C15orf40: variants seen among roughly 807,000 people sequenced by gnomAD.
C15orf40 encodes the protein UPF0235 protein C15orf40.
In C15orf40, 9 loss-of-function variants were observed where a neutral mutation model predicts 13.9. The ratio of observed to expected loss-of-function variants is 0.65; its 90% confidence interval spans 0.39 to 1.13. The LOEUF (loss-of-function observed/expected upper bound fraction) is 1.13, where lower values mean the gene tolerates loss of function less well. C15orf40 is among the 50% of genes most tolerant of loss of function. The pLI, the probability that C15orf40 is intolerant of heterozygous loss-of-function variation, is 0.01. For synonymous variants in C15orf40, 95 were observed against 69.2 expected (o/e 1.37, Z -1.85); for missense variants, 225 against 188.5 (o/e 1.19, Z -1.13).
In C15orf40 at chr15:82,997,294, A is replaced by C. The variant is rs1394589043; in HGVS notation, c.*8303T>G. ...AGAGGGGGATTTGGCAGGGAAGGTC[A>C]GCAGATAAACAAGTGAACAAAGGTC... On this transcript the variant is annotated 3_prime_UTR_variant, in exon 4 of 4. Transcript: ENST00000304177. 1.4e-5 allele frequency: 2 copies of C among 147,088 alleles called. No homozygotes were observed. The highest frequency in any genetic ancestry group is 3.0e-5 in the Non-Finnish European group (2 of 67,058). The allele number at this position is 147,088 out of a possible 1,614,324, so 9.1% of individuals were successfully genotyped here.
downstream of C15orf40, chr15:82,990,915 C>T (rs988781387): frequency 8.4e-6 from 3 of 357,472 alleles, no homozygotes; most frequent in Non-Finnish European, 1.5e-5. Flanking sequence ...CAGATGCATA[C>T]CTCTGCTGCT....
chr15:82,994,683 G>GA (rs2030981307), downstream of C15orf40: 8 of 152,120 alleles, frequency 5.3e-5, no homozygotes, highest in Admixed American at 3.9e-4. Context: ...ACTATTCACT[G>GA]AAATGCCTAT....
At chr15:83,006,606 G>A in intron 3 of C15orf40, 1 of 304,176 alleles carries the variant, frequency 3.3e-6, no homozygotes, top group South Asian at 1.3e-4. Flanking sequence ...CTAAAAATTA[G>A]CCAGACGTGT....
intron 1 of C15orf40, 37 bp from the exon 2 acceptor site, chr15:83,010,400 A>T (rs1316312727): frequency 6.2e-7 from 1 of 1,611,590 alleles, no homozygotes; most frequent in African/African-American, 1.3e-5. Context: ...AGGTTACAAA[A>T]TATTTTCCCA....
chr15:82,992,774 C>T (rs2030915152), downstream of C15orf40, among the ~76,000 whole-genome samples: 1 of 152,006 alleles, frequency 6.6e-6, no homozygotes, highest in Admixed American at 6.6e-5. Flanking sequence ...TGAGTATCAG[C>T]CGTGCTTGAA....
In C15orf40 at chr15:83,004,212, G is replaced by T. The variant is rs1483776652; in HGVS notation, c.*1385C>A. 9 of 548,146 alleles carry T rather than the reference G, an allele frequency of 1.6e-5. No homozygotes were observed. Among genetic ancestry groups the T allele is most frequent in the Non-Finnish European group, 2.1e-5 (9 of 430,646 alleles). The allele number at this position is 548,146 out of a possible 1,614,324, so 34.0% of individuals were successfully genotyped here. On this transcript the variant is annotated 3_prime_UTR_variant, in exon 4 of 4. Transcript: ENST00000304177. ...GCTGGTCTCAAACTCCTGGGCTCAA[G>T]TGTTCCTCCTGCCTCAACCTTCCAA...
intron 3 of C15orf40, among the ~76,000 whole-genome samples, chr15:83,006,014 G>A (rs1424750942): frequency 6.6e-6 from 1 of 151,744 alleles, no homozygotes; most frequent in East Asian, 1.9e-4. Context: ...GGTAGATCAC[G>A]AGGTCAGGAG....
At chr15:82,990,606 G>A, downstream of C15orf40, 1 of 1,384,508 alleles carries the variant, frequency 7.2e-7, no homozygotes, top group Non-Finnish European at 1.0e-6. Context: ...ATCTATAGAT[G>A]AGTCAGCTCC....
In C15orf40 at chr15:83,011,529, C is replaced by T. The variant is rs2032014895; in HGVS notation, c.79G>A (p.Glu27Lys). 1 of 1,607,450 alleles carries T rather than the reference C, an allele frequency of 6.2e-7. No individual in the cohort carries two copies. Among genetic ancestry groups the T allele is most frequent in the South Asian group, 1.1e-5 (1 of 90,906 alleles). Residue 27 changes from glutamate to lysine, a missense_variant, in exon 1 of 4, where the codon GAG becomes AAG. Glu to Lys is a moderately conservative substitution (Grantham distance 56). Transcript: ENST00000304177. ...GTCGCACCAGCCTTCTTAGGCATCTCGGCGCAAAGAAGCCGAGCGGAGCCC... is the reference window on the plus strand; with the variant it reads ...GTCGCACCAGCCTTCTTAGGCATCTTGGCGCAAAGAAGCCGAGCGGAGCCC... ...TRGSARLLCA[E>K]MPKKAGATTK...
chr15:82,999,268 TCA>T lies in C15orf40; in HGVS notation c.*6327_*6328del, dbSNP rs1166415865. 2 of 152,078 alleles carry T rather than the reference TCA, an allele frequency of 1.3e-5. No homozygotes were observed. The highest frequency in any genetic ancestry group is 4.8e-5 in the African/African-American group (2 of 41,252). 9.4% of individuals were successfully genotyped at this position (152,078 alleles called of 1,614,324 possible). On this transcript the variant is annotated 3_prime_UTR_variant, in exon 4 of 4. Transcript: ENST00000304177. ...TGGAGTGCAGTGGCGCAATCATGGC[TCA>T]CTACGTCGAACTCCTGAGCTCAAGT...
At chr15:82,990,786 A>G (rs930140650), downstream of C15orf40, 16 of 718,160 alleles carry the variant, frequency 2.2e-5, no homozygotes, top group African/African-American at 2.7e-4. Context: ...ATTCACACAT[A>G]AGAAAGTTTA....
In C15orf40 at chr15:83,001,183, T is replaced by G; in HGVS notation, c.*4414A>C. 3.0e-6 allele frequency: 3 copies of G among 985,342 alleles called. No individual in the cohort carries two copies. Among genetic ancestry groups the G allele is most frequent in the Non-Finnish European group, 3.6e-6 (3 of 829,916 alleles). 61.0% of individuals were successfully genotyped at this position (985,342 alleles called of 1,614,324 possible). On this transcript the variant is annotated 3_prime_UTR_variant, in exon 4 of 4. Coordinates refer to ENST00000304177, the MANE Select transcript of C15orf40 (RefSeq NM_144597.3). ...GTCCCTCCCCTAACCGAGAGGAAAG[T>G]GTGGAATGGCTCACAGAAATCAGAA...
At chr15:83,010,209 T>C in intron 2 of C15orf40, 28 bp downstream of exon 2, 14 of 1,613,694 alleles carry the variant, frequency 8.7e-6, no homozygotes, top group Non-Finnish European at 1.2e-5. Flanking sequence ...GATTCACACT[T>C]GAATCCCACC....
chr15:83,001,357 C>G lies in C15orf40; in HGVS notation c.*4240G>C. ...AAGTGATTAATACATCATGTTTGCA[C>G]AAGTAATTATCATTTATTAAGGTGC... is the stretch of plus-strand genomic sequence containing the variant. On this transcript the variant is annotated 3_prime_UTR_variant, in exon 4 of 4. Coordinates refer to ENST00000304177, the MANE Select transcript of C15orf40 (RefSeq NM_144597.3). The G allele has an allele frequency of 2.2e-6, 2 of 928,514 alleles. No individual in the cohort carries two copies. Among genetic ancestry groups the G allele is most frequent in the Non-Finnish European group, 1.3e-6 (1 of 778,124 alleles). The allele number at this position is 928,514 out of a possible 1,614,324, so 57.5% of individuals were successfully genotyped here. A position where few individuals can be genotyped will look rare whatever the true frequency, so the allele number is the denominator to read the frequency against.
At position 83,010,347 on chromosome 15, in the gene C15orf40, T is replaced by G; in HGVS notation, c.128A>C (p.Lys43Thr). Reference sequence around the variant, plus strand: ...GGGAGGAAGTGGTCTCTCTGGTTCCTTGCTCTGGCTTTTACCCTAAAATGA... The same window carrying G: ...GGGAGGAAGTGGTCTCTCTGGTTCCGTGCTCTGGCTTTTACCCTAAAATGA... The part of the protein sequence containing the change: ...GATTKGKSQS[K>T]EPERPLPPLG... The change falls in exon 2 of 4, where the codon AAG becomes ACG. Residue 43 changes from lysine to threonine, a missense_variant. Coordinates refer to ENST00000304177, the MANE Select transcript of C15orf40 (RefSeq NM_144597.3). 6.2e-7 allele frequency: 1 copy of G among 1,614,230 alleles called. No individual in the cohort carries two copies. The highest frequency in any genetic ancestry group is 8.5e-7 in the Non-Finnish European group (1 of 1,180,026).
downstream of C15orf40, chr15:82,990,500 A>G (rs563571481): frequency 1.2e-4 from 75 of 645,036 alleles, 1 homozygote; most frequent in African/African-American, 1.4e-3. Flanking sequence ...GCTTTTTGTG[A>G]TAGATTGTAC....
chr15:83,001,173 G>A lies in C15orf40; in HGVS notation c.*4424C>T, dbSNP rs557568839. Reference sequence around the variant, plus strand: ...GGTTATTGCTGTCCCTCCCCTAACCGAGAGGAAAGTGTGGAATGGCTCACA... The same window carrying A: ...GGTTATTGCTGTCCCTCCCCTAACCAAGAGGAAAGTGTGGAATGGCTCACA... On this transcript the variant is annotated 3_prime_UTR_variant, in exon 4 of 4. Coordinates refer to ENST00000304177, the MANE Select transcript of C15orf40 (RefSeq NM_144597.3). The A allele has an allele frequency of 2.4e-5, 24 of 985,322 alleles. No individual in the cohort carries two copies. Among genetic ancestry groups the A allele is most frequent in the South Asian group, 1.4e-4 (3 of 21,282 alleles). The allele number at this position is 985,322 out of a possible 1,614,324, so 61.0% of individuals were successfully genotyped here.
chr15:82,990,788 G>T (rs371975154), downstream of C15orf40: 66 of 720,696 alleles, frequency 9.2e-5, 1 homozygote, highest in East Asian at 3.3e-4. Context: ...TCACACATAA[G>T]AAAGTTTAAC....
rs1361468951 is a variant in C15orf40 at position 83,005,021 on chromosome 15, T to A, written c.*576A>T. 2 of 1,231,432 alleles carry A rather than the reference T, an allele frequency of 1.6e-6. No homozygotes were observed. Among genetic ancestry groups the A allele is most frequent in the African/African-American group, 3.1e-5 (2 of 63,726 alleles). The allele number at this position is 1,231,432 out of a possible 1,614,324, so 76.3% of individuals were successfully genotyped here. On this transcript the variant is annotated 3_prime_UTR_variant, in exon 4 of 4. Coordinates refer to ENST00000304177, the MANE Select transcript of C15orf40 (RefSeq NM_144597.3). ...CCCCAACAGAATGAAAGGTGTTAAA[T>A]CAGGTCATCTTGAATATTCTTCCCA...
Sources: allele counts gnomAD v4.1 joint callset (sites outside exome capture counted in the v4.1 genomes callset), GRCh38; gene constraint gnomAD v4.1.1; transcripts MANE v1.5; gene names NCBI Gene and HGNC (gene_info 2026-07-23, HGNC 2026-07-21).